Variants in SLC25A21 observed in about 807,000 individuals in gnomAD.
The protein encoded by SLC25A21 is solute carrier family 25 member 21, also known as mitochondrial 2-oxodicarboxylate carrier.
A neutral mutation model predicts 43.8 loss-of-function variants in SLC25A21; 47 were observed. That is an observed-to-expected ratio of 1.07 (90% CI 0.85 to 1.37). The LOEUF is 1.37. Among genes scored for constraint, SLC25A21 ranks in the 40% most tolerant of loss-of-function variants. SLC25A21 has a pLI of 0.00. For synonymous variants in SLC25A21, 131 were observed against 121.3 expected (o/e 1.08, Z -0.52); for missense variants, 352 against 350.2 (o/e 1.00, Z -0.04).
At chr14:36,732,024 C>A (rs1465669685) in intron 4 of SLC25A21, among the ~76,000 whole-genome samples, 1 of 152,166 alleles carries the variant, frequency 6.6e-6, no homozygotes, top group Non-Finnish European at 1.5e-5. Context: ...CATCTGATGT[C>A]CAGTGTCTTG....
intron 1 of SLC25A21, among the ~76,000 whole-genome samples, chr14:36,903,266 G>A (rs777260633): frequency 5.3e-5 from 8 of 152,136 alleles, no homozygotes; most frequent in South Asian, 2.1e-4. Flanking sequence ...TTCATAGCTC[G>A]CCCAAGCATT....
intron 1 of SLC25A21, among the ~76,000 whole-genome samples, chr14:37,098,782 CAGACAGAT>C (rs1393637020): frequency 2.0e-4 from 27 of 138,098 alleles, no homozygotes; most frequent in African/African-American, 6.9e-4. Context: ...GACAGACAGA[CAGACAGAT>C]AGATAGATAG....
At chr14:37,053,379 C>T (rs1961752766) in intron 1 of SLC25A21, among the ~76,000 whole-genome samples, 1 of 152,104 alleles carries the variant, frequency 6.6e-6, no homozygotes, top group African/African-American at 2.4e-5. Flanking sequence ...ACTAGAGAGA[C>T]ATCAACTTGT....
intron 1 of SLC25A21, among the ~76,000 whole-genome samples, chr14:36,884,416 A>G (rs1890855008): frequency 6.6e-6 from 1 of 152,178 alleles, no homozygotes; most frequent in Admixed American, 6.6e-5. Context: ...GACTACTGTG[A>G]ATAATGCTAT....
chr14:36,934,020 C>G (rs1417807528), intron 1 of SLC25A21, among the ~76,000 whole-genome samples: 1 of 152,062 alleles, frequency 6.6e-6, no homozygotes. Flanking sequence ...TGACTACAGA[C>G]TAGCTTTCAG....
chr14:36,994,398 T>C (rs17105885), intron 1 of SLC25A21, among the ~76,000 whole-genome samples: 16,072 of 152,230 alleles, frequency 0.11, 1,043 homozygotes, highest in African/African-American at 0.18. Context: ...TCCTTTTCAC[T>C]GGTCCTTAGG....
chr14:36,929,701 C>T (rs1460274389), intron 1 of SLC25A21, among the ~76,000 whole-genome samples: 7 of 152,072 alleles, frequency 4.6e-5, no homozygotes, highest in Non-Finnish European at 8.8e-5. Flanking sequence ...ATTATTGAGT[C>T]ACATCGATTT....
intron 3 of SLC25A21, among the ~76,000 whole-genome samples, chr14:36,768,777 A>C (rs1175376169): frequency 6.6e-6 from 1 of 152,138 alleles, no homozygotes; most frequent in African/African-American, 2.4e-5. Context: ...AAGCTAGCAC[A>C]AGACCTGGTT....
chr14:37,086,340 C>A (rs1962486475), intron 1 of SLC25A21, among the ~76,000 whole-genome samples: 1 of 152,060 alleles, frequency 6.6e-6, no homozygotes, highest in South Asian at 2.1e-4. Flanking sequence ...ATACTGCTAG[C>A]CTTCAACTCC....
chr14:36,889,745 C>A (rs1299193332), intron 1 of SLC25A21, among the ~76,000 whole-genome samples: 2 of 152,088 alleles, frequency 1.3e-5, no homozygotes, highest in African/African-American at 4.8e-5. Context: ...CCCACCTCAG[C>A]CTCCCAAAGT....
At chr14:36,787,286 T>A (rs1012005117) in intron 3 of SLC25A21, among the ~76,000 whole-genome samples, 7 of 151,974 alleles carry the variant, frequency 4.6e-5, no homozygotes, top group African/African-American at 1.7e-4. Context: ...AAAACTAAGG[T>A]GAAGTGGGGA....
intron 1 of SLC25A21, among the ~76,000 whole-genome samples, chr14:37,027,030 A>G (rs1263182724): frequency 6.6e-6 from 1 of 152,186 alleles, no homozygotes; most frequent in Non-Finnish European, 1.5e-5. Context: ...TTAAGCTACC[A>G]TCTCCATGAA....
In SLC25A21 at chr14:37,147,818, T is replaced by C. The variant is rs150156795; in HGVS notation, c.70+24463A>G. 5.6e-3 allele frequency among the ~76,000 whole-genome samples: 824 copies of C among 147,894 alleles called. 10 individuals carry two copies. The highest frequency in any genetic ancestry group is 0.02 in the African/African-American group (800 of 40,660). The stretch of plus-strand genomic sequence containing the variant: ...CACTTTTTCTCACACATGGTAACTA[T>C]ATTTCCTTTTTCTTTTTTTTCTTTT... On this transcript the variant is annotated intron_variant, in intron 1 of 9. Coordinates refer to ENST00000331299, the MANE Select transcript of SLC25A21 (RefSeq NM_030631.4).
intron 1 of SLC25A21, among the ~76,000 whole-genome samples, chr14:36,879,306 T>C (rs936600561): frequency 3.3e-5 from 5 of 152,208 alleles, no homozygotes; most frequent in African/African-American, 1.2e-4. Context: ...ATGTTATTTT[T>C]ATTTCAGGCA....
chr14:36,779,363 ATCTC>A (rs1010919481), intron 3 of SLC25A21, among the ~76,000 whole-genome samples: 27 of 144,510 alleles, frequency 1.9e-4, no homozygotes, highest in South Asian at 8.6e-4. Flanking sequence ...GGAATTATAT[ATCTC>A]TCTCTATATA....
chr14:37,141,518 AC>A, intron 1 of SLC25A21, among the ~76,000 whole-genome samples: 1 of 152,246 alleles, frequency 6.6e-6, no homozygotes, highest in South Asian at 2.1e-4. Context: ...TAAAAAAAAA[AC>A]TGAAATATAA....
chr14:36,788,526 C>A (rs566853991), intron 3 of SLC25A21: 1 of 148,236 alleles, frequency 6.7e-6, no homozygotes, highest in African/African-American at 2.5e-5. Flanking sequence ...AGCCCAAGCA[C>A]CAGGCCGCCC....
At chr14:36,774,870 CTT>C (rs770857806) in intron 3 of SLC25A21, among the ~76,000 whole-genome samples, 72 of 152,240 alleles carry the variant, frequency 4.7e-4, no homozygotes, top group Non-Finnish European at 8.1e-4. Flanking sequence ...TGTCAATTCT[CTT>C]GTCATTTTAT....
intron 1 of SLC25A21, among the ~76,000 whole-genome samples, chr14:37,168,437 T>A (rs947601080): frequency 6.6e-6 from 1 of 152,280 alleles, no homozygotes; most frequent in South Asian, 2.1e-4. Flanking sequence ...CATCTTCTTA[T>A]AAAAGACAGA....
Sources: allele counts gnomAD v4.1 joint callset (sites outside exome capture counted in the v4.1 genomes callset), GRCh38; gene constraint gnomAD v4.1.1; transcripts MANE v1.5; gene names NCBI Gene and HGNC (gene_info 2026-07-23, HGNC 2026-07-21).